The following VCAN variants were observed in gnomAD, a reference collection of about 807,000 sequenced individuals.
VCAN encodes versican core protein.
VCAN carries 44 observed loss-of-function variants against 245.5 expected under a neutral mutation model. That is an observed-to-expected ratio of 0.18 (90% CI 0.14 to 0.23). VCAN has a LOEUF of 0.23. VCAN is among the 10% of genes least tolerant of loss of function. VCAN has a pLI of 1.00. For missense variants in VCAN, 3,793 were observed against 4,057.9 expected, an observed-to-expected ratio of 0.93 and a Z score of 1.77; for synonymous variants, 1,413 against 1,437.0, an observed-to-expected ratio of 0.98 and a Z score of 0.38.
At chr5:83,494,874 G>A (rs1341896324) in intron 5 of VCAN, among the ~76,000 whole-genome samples, 1 of 152,004 alleles carries the variant, frequency 6.6e-6, no homozygotes, top group Non-Finnish European at 1.5e-5. Flanking sequence ...GGGGTGGGGG[G>A]TCCTGAGGTG....
rs1175615782 is a variant in VCAN, at chr5:83,540,430, C to G, written c.7427C>G (p.Ala2476Gly). 15 of 1,613,880 alleles carry G rather than the reference C, an allele frequency of 9.3e-6. No homozygotes were observed. Among genetic ancestry groups the G allele is most frequent in the African/African-American group, 1.3e-5 (1 of 74,896 alleles). ...EKHPEVPSAKAVTADGFPTVS... is the reference protein window; with the variant it reads ...EKHPEVPSAKGVTADGFPTVS... ...CATCCTGAGGTGCCAAGCGCTAAAGCTGTTACTGCTGATGGATTCCCAACA... is the reference window on the plus strand; with the variant it reads ...CATCCTGAGGTGCCAAGCGCTAAAGGTGTTACTGCTGATGGATTCCCAACA... The change falls in exon 8 of 15, where the codon GCT becomes GGT. Residue 2476 changes from alanine (A) to glycine (G), a missense_variant. By Grantham distance (60) the Ala-to-Gly change is moderately conservative. Around this residue, in one of 5 missense-constraint regions of VCAN, gnomAD observed 3,182 missense variants for 3,250.3 expected, o/e 0.98. Transcript: ENST00000265077.
intron 12 of VCAN, among the ~76,000 whole-genome samples, chr5:83,564,729 A>G (rs546541718): frequency 4.3e-4 from 65 of 151,818 alleles, no homozygotes; most frequent in African/African-American, 1.5e-3. Flanking sequence ...TTGGAGGAAA[A>G]CAGAGTAAGT....
chr5:83,483,582 C>T lies in VCAN; in HGVS notation c.64C>T (p.His22Tyr), dbSNP rs748911990. Reference sequence around the variant, plus strand: ...AACCTTAATAGTAACCCATGCGCTACATAAAGGTGAGTGTGCTAACAATTT... The same window carrying T: ...AACCTTAATAGTAACCCATGCGCTATATAAAGGTGAGTGTGCTAACAATTT... ...CSTLIVTHALHKVKVGKSPPV... is the reference protein window; with the variant it reads ...CSTLIVTHALYKVKVGKSPPV... Residue 22 changes from histidine (H) to tyrosine (Y), a missense_variant, in exon 2 of 15, where the codon CAT becomes TAT. By Grantham distance (83) the His-to-Tyr change is moderately conservative. Around this residue, in one of 5 missense-constraint regions of VCAN, gnomAD observed 179 missense variants for 169.7 expected, o/e 1.05. Transcript: ENST00000265077. The T allele has an allele frequency of 1.9e-6, 3 of 1,612,982 alleles. No homozygotes were observed. The East Asian group carries it at 6.7e-5, about 36-fold the overall frequency.
intron 13 of VCAN, among the ~76,000 whole-genome samples, chr5:83,574,305 A>G (rs1748398846): frequency 6.6e-6 from 1 of 152,184 alleles, no homozygotes; most frequent in African/African-American, 2.4e-5. Context: ...GTTTCTAGGT[A>G]TTCCTTAATC....
Position 83,538,584 on chromosome 5 carries a change from C to G in VCAN, c.5581C>G (p.Gln1861Glu). 1 of 1,613,996 alleles carries G rather than the reference C, an allele frequency of 6.2e-7. No homozygotes were observed. Among genetic ancestry groups the G allele is most frequent in the Non-Finnish European group, 8.5e-7 (1 of 1,179,956 alleles). The change falls in exon 8 of 15, where the codon CAA (glutamine) becomes GAA (glutamate). Residue 1861 changes from glutamine (Q) to glutamate (E), a missense_variant. Gln to Glu is a conservative substitution (Grantham distance 29). This residue lies in a region of VCAN where 3,182 missense variants were observed against 3,250.3 expected (regional missense o/e 0.98). Transcript: ENST00000265077. ...SFSLNVEYAI[Q>E]AEKEVAGTLS... ...TTCATTAAACGTAGAGTATGCAATT[C>G]AAGCCGAAAAGGAAGTAGCTGGCAC... is the stretch of plus-strand genomic sequence containing the variant.
chr5:83,505,556 G>A (rs1386055602), intron 5 of VCAN, among the ~76,000 whole-genome samples: 1 of 152,146 alleles, frequency 6.6e-6, no homozygotes, highest in East Asian at 1.9e-4. Context: ...GGCTTTGCAG[G>A]GTACAGCCTC....
chr5:83,569,492 A>C (rs931798338), intron 12 of VCAN, among the ~76,000 whole-genome samples: 4 of 152,218 alleles, frequency 2.6e-5, no homozygotes, highest in African/African-American at 9.6e-5. Flanking sequence ...AAGAAACCAA[A>C]GCCCTGTCCT....
chr5:83,568,648 G>A (rs1748173035), intron 12 of VCAN, among the ~76,000 whole-genome samples: 1 of 152,076 alleles, frequency 6.6e-6, no homozygotes, highest in Admixed American at 6.6e-5. Flanking sequence ...AGTAACTTGC[G>A]GTGATATTTG....
At position 83,542,062 on chromosome 5, in the gene VCAN, G is replaced by A; in HGVS notation, c.9059G>A (p.Arg3020Lys). 1 of 1,613,026 alleles carries A rather than the reference G, an allele frequency of 6.2e-7. No homozygotes were observed. Among genetic ancestry groups the A allele is most frequent in the Non-Finnish European group, 8.5e-7 (1 of 1,179,120 alleles). Residue 3020 changes from arginine to lysine, a missense_variant, in exon 8 of 15, where the codon AGA (arginine) becomes AAA (lysine). By Grantham distance (26) the Arg-to-Lys change is conservative (BLOSUM62 2). Coordinates refer to ENST00000265077, the MANE Select transcript of VCAN (RefSeq NM_004385.5). ...INPETQAALI[R>K]GQDSTIAASE... ...CCTGAAACTCAAGCAGCTTTAATCA[G>A]AGGGCAGGATTCCACGATAGCAGCA...
intron 6 of VCAN, among the ~76,000 whole-genome samples, chr5:83,514,971 T>A (rs1293604469): frequency 1.3e-5 from 2 of 152,204 alleles, no homozygotes; most frequent in African/African-American, 4.8e-5. Flanking sequence ...CTTGTTTGCT[T>A]CTACCAAACG....
chr5:83,506,497 C>G (rs1455803629), intron 5 of VCAN, among the ~76,000 whole-genome samples: 2 of 145,874 alleles, frequency 1.4e-5, no homozygotes, highest in Admixed American at 1.4e-4. Context: ...CATCTGAGAC[C>G]AACCCAGCCT....
chr5:83,474,227 A>C (rs905147545), intron 1 of VCAN, among the ~76,000 whole-genome samples: 1 of 152,004 alleles, frequency 6.6e-6, no homozygotes, highest in Non-Finnish European at 1.5e-5. Context: ...GTGGGAGGAA[A>C]AAAGAAAGGG....
At chr5:83,530,252 C>T (rs937713521) in intron 7 of VCAN, among the ~76,000 whole-genome samples, 3 of 152,048 alleles carry the variant, frequency 2.0e-5, no homozygotes, top group Non-Finnish European at 2.9e-5. Context: ...CATCATTTTA[C>T]AAATTCTTGA....
intron 7 of VCAN, among the ~76,000 whole-genome samples, chr5:83,532,487 G>A (rs758282003): frequency 6.6e-6 from 1 of 152,088 alleles, no homozygotes; most frequent in Non-Finnish European, 1.5e-5. Flanking sequence ...TAGATTGTAT[G>A]TATAGGAAAT....
intron 7 of VCAN, among the ~76,000 whole-genome samples, chr5:83,524,178 A>C (rs1039685410): frequency 1.9e-4 from 29 of 152,296 alleles, no homozygotes; most frequent in Middle Eastern, 6.8e-3. Context: ...TCATCAAAAA[A>C]AAAGAACTAA....
In VCAN at chr5:83,540,436, C is replaced by G. The variant is rs778908221; in HGVS notation, c.7433C>G (p.Thr2478Ser). ...GAGGTGCCAAGCGCTAAAGCTGTTA[C>G]TGCTGATGGATTCCCAACAGTTTCA... ...HPEVPSAKAVTADGFPTVSVM... is the reference protein window; with the variant it reads ...HPEVPSAKAVSADGFPTVSVM... The change falls in exon 8 of 15, where the codon ACT (threonine) becomes AGT (serine). Residue 2478 changes from threonine (T) to serine (S), a missense_variant. By Grantham distance (58) the Thr-to-Ser change is moderately conservative. This residue lies in a region of VCAN where 3,182 missense variants were observed against 3,250.3 expected (regional missense o/e 0.98). Transcript: ENST00000265077. 1 of 1,614,028 alleles carries G rather than the reference C, an allele frequency of 6.2e-7. No individual in the cohort carries two copies. Among genetic ancestry groups the G allele is most frequent in the Non-Finnish European group, 8.5e-7 (1 of 1,179,966 alleles).
intron 1 of VCAN, among the ~76,000 whole-genome samples, chr5:83,481,876 T>C (rs1744625831): frequency 6.6e-6 from 1 of 152,194 alleles, no homozygotes; most frequent in African/African-American, 2.4e-5. Flanking sequence ...AAGCCCTATT[T>C]ATGTTCAAGA....
intron 2 of VCAN, among the ~76,000 whole-genome samples, chr5:83,486,038 G>A (rs1744781909): frequency 6.6e-6 from 1 of 152,086 alleles, no homozygotes; most frequent in Non-Finnish European, 1.5e-5. Flanking sequence ...GAGGGCTGAG[G>A]CAGGAGAATT....
chr5:83,480,849 T>C (rs545265757), intron 1 of VCAN, among the ~76,000 whole-genome samples: 1 of 152,232 alleles, frequency 6.6e-6, no homozygotes, highest in Non-Finnish European at 1.5e-5. Context: ...CTCTTAGTGA[T>C]ATGAAACTAT....
Sources: allele counts gnomAD v4.1 joint callset (sites outside exome capture counted in the v4.1 genomes callset), GRCh38; gene constraint gnomAD v4.1.1; regional missense constraint gnomAD v4.1.1; transcripts MANE v1.5; gene names NCBI Gene and HGNC (gene_info 2026-07-23, HGNC 2026-07-21).